NLRC5: variants seen among roughly 807,000 people sequenced by gnomAD.
The protein encoded by NLRC5 is NLR family CARD domain containing 5.
In NLRC5, 114 loss-of-function variants were observed where a neutral mutation model predicts 206.9. The observed-to-expected ratio is 0.55, with a 90% CI of 0.47 to 0.64. The LOEUF is 0.64. Among genes scored for constraint, NLRC5 ranks in the 30% least tolerant of loss-of-function variants. The probability of loss-of-function intolerance (pLI) is 0.00; values close to 1 mark genes in which losing one functional copy is unlikely to be tolerated. For synonymous variants in NLRC5, 952 were observed against 962.8 expected (o/e 0.99, Z 0.21); for missense variants, 2,008 against 2,305.5 (o/e 0.87, Z 2.64).
chr16:57,009,266 G>C (rs1017981206), intron 1 of NLRC5, among the ~76,000 whole-genome samples: 2 of 151,716 alleles, frequency 1.3e-5, no homozygotes, highest in Non-Finnish European at 1.5e-5. Flanking sequence ...TCTCCAGCCT[G>C]GGTGGCAGAG....
At position 57,065,304 on chromosome 16, in the gene NLRC5, T is replaced by C. The variant is rs767645264; in HGVS notation, c.4241+6T>C. 2 of 1,551,922 alleles carry C rather than the reference T, an allele frequency of 1.3e-6. No individual in the cohort carries two copies. The highest frequency in any genetic ancestry group is 1.9e-5 in the Admixed American group (1 of 53,844). On this transcript the variant is annotated splice_donor_region_variant and intron_variant, in intron 33 of 48. Transcript: ENST00000688547. ...GGCAGTGTCACTGAAATCAGGTGAGTCCAGAGAAGAGGCCCCTTTGGAATT... is the reference window on the plus strand; with the variant it reads ...GGCAGTGTCACTGAAATCAGGTGAGCCCAGAGAAGAGGCCCCTTTGGAATT...
chr16:56,991,023 C>G (rs1162608967), intron 1 of NLRC5: 3 of 152,154 alleles, frequency 2.0e-5, no homozygotes, highest in Admixed American at 6.5e-5. Flanking sequence ...CATGAACTAA[C>G]CATTCAATTT....
At chr16:57,023,572 A>G (rs1597208614) in intron 4 of NLRC5, among the ~76,000 whole-genome samples, 1 of 152,082 alleles carries the variant, frequency 6.6e-6, no homozygotes, top group South Asian at 2.1e-4. Context: ...CAGAACATCC[A>G]CCTTCCAATG....
At position 57,041,557 on chromosome 16, in the gene NLRC5, C is replaced by T. The variant is rs145670367; in HGVS notation, c.3012C>T (p.Leu1004=). 5 of 1,614,106 alleles carry T rather than the reference C, an allele frequency of 3.1e-6. No individual in the cohort carries two copies. Among genetic ancestry groups the T allele is most frequent in the East Asian group, 4.5e-5 (2 of 44,878 alleles). ...LCKALGGSCH[L]GHLHLDFSGN... ...AGGCTCTGGGAGGAAGCTGCCACCT[C>T]GGTCACCTCCACCTCGAGTGAGTGG... The change falls in exon 18 of 49, where the codon CTC becomes CTT. Residue 1004 remains leucine (L), a synonymous_variant. Coordinates refer to ENST00000688547, the MANE Select transcript of NLRC5 (RefSeq NM_001384950.1).
At chr16:57,077,919 A>G (rs773322609) in intron 42 of NLRC5, 24 bp from the exon 43 acceptor site, 8 of 1,612,706 alleles carry the variant, frequency 5.0e-6, no homozygotes, top group African/African-American at 4.0e-5. Context: ...CCAGTACTCA[A>G]TGCTCATTCC....
At position 57,026,965 on chromosome 16, in the gene NLRC5, G is replaced by A. The variant is rs200062203; in HGVS notation, c.2022G>A (p.Leu674=). ...PIHLDFDGCP[L]EPHCPEALVG... is the part of the protein sequence containing the mutation. ...ACCTGGATTTTGATGGCTGTCCCCT[G>A]GAGCCCCACTGCCCTGAGGCTCTGG... The change falls in exon 6 of 49, where the codon CTG becomes CTA. Residue 674 remains leucine, a synonymous_variant. Transcript: ENST00000688547. 1.9e-4 allele frequency: 305 copies of A among 1,614,160 alleles called. 3 individuals are homozygous for A. The East Asian group carries it at 6.7e-3, about 36-fold the overall frequency.
chr16:57,026,628 C>T lies in NLRC5; in HGVS notation c.1685C>T (p.Pro562Leu). The part of the protein sequence containing the change: ...KARLGLSDHL[P>L]TFLAGLASCT... ...AGACTGGGCCTCTCAGACCACCTCC[C>T]CACCTTCCTGGCGGGCCTGGCATCC... The change falls in exon 6 of 49, where the codon CCC (proline) becomes CTC (leucine). Residue 562 changes from proline (P) to leucine (L), a missense_variant. Transcript: ENST00000688547. 1.2e-6 allele frequency: 2 copies of T among 1,614,234 alleles called. No homozygotes were observed. The highest frequency in any genetic ancestry group is 1.7e-6 in the Non-Finnish European group (2 of 1,180,038).
chr16:57,064,681 TG>T (rs1185762997), intron 32 of NLRC5, among the ~76,000 whole-genome samples: 1 of 152,234 alleles, frequency 6.6e-6, no homozygotes, highest in Non-Finnish European at 1.5e-5. Context: ...CCCAGCACTT[TG>T]GGAGGCCGAG....
intron 19 of NLRC5, among the ~76,000 whole-genome samples, chr16:57,043,311 T>C (rs1286347710): frequency 6.6e-6 from 1 of 152,148 alleles, no homozygotes; most frequent in East Asian, 1.9e-4. Context: ...TCTCATAACC[T>C]TGGGCTAGAC....
At chr16:57,041,280 G>A in intron 17 of NLRC5, 2 of 547,992 alleles carry the variant, frequency 3.6e-6, no homozygotes, top group Non-Finnish European at 3.3e-6. Context: ...CTGTGTCTCT[G>A]CCCACCCTCT....
At chr16:57,030,469 AAGAT>A in intron 10 of NLRC5, among the ~76,000 whole-genome samples, 1 of 28,116 alleles carries the variant, frequency 3.6e-5, no homozygotes. Context: ...GATGGATGAA[AAGAT>A]GGATGGGTGG....
In NLRC5 at chr16:57,025,519, G is replaced by A. The variant is rs1465418347; in HGVS notation, c.576G>A (p.Glu192=). 1.7e-5 allele frequency: 28 copies of A among 1,613,580 alleles called. No individual in the cohort carries two copies. The highest frequency in any genetic ancestry group is 2.3e-5 in the Non-Finnish European group (27 of 1,179,758). Residue 192 remains glutamate, a synonymous_variant, in exon 6 of 49, where the codon GAG becomes GAA. Coordinates refer to ENST00000688547, the MANE Select transcript of NLRC5 (RefSeq NM_001384950.1). ...CCACAGCATCCTTAGACACTCCGGAGGGGGCCATTATGGGGGACGTCAAGG... is the reference window on the plus strand; with the variant it reads ...CCACAGCATCCTTAGACACTCCGGAAGGGGCCATTATGGGGGACGTCAAGG... ...RRATASLDTP[E]GAIMGDVKVE...
chr16:57,058,986 G>A lies in NLRC5; in HGVS notation c.3845G>A (p.Ser1282Asn). 1 of 1,614,144 alleles carries A rather than the reference G, an allele frequency of 6.2e-7. No homozygotes were observed. Among genetic ancestry groups the A allele is most frequent in the Non-Finnish European group, 8.5e-7 (1 of 1,179,980 alleles). ...ISGLLDLSHN[S>N]ISQESALYLL... ...TTCCCTTCTAGTCTGAGTCACAACAGCATTTCTCAGGAAAGTGCCCTGTAC... is the reference window on the plus strand; with the variant it reads ...TTCCCTTCTAGTCTGAGTCACAACAACATTTCTCAGGAAAGTGCCCTGTAC... The change falls in exon 29 of 49, where the codon AGC becomes AAC. Residue 1282 changes from serine to asparagine, a missense_variant. Ser to Asn is a conservative substitution (Grantham distance 46). Transcript: ENST00000688547.
chr16:57,081,242 C>A, intron 47 of NLRC5, 61 bp downstream of exon 47: 1 of 1,462,764 alleles, frequency 6.8e-7, no homozygotes, highest in South Asian at 1.2e-5. Flanking sequence ...CCGGGAACAC[C>A]AAGAGGCCAC....
In NLRC5 at chr16:57,053,367, C is replaced by T. The variant is rs115015054; in HGVS notation, c.3507-1384C>T. Among the ~76,000 whole-genome samples, 826 of 152,178 alleles carry T rather than the reference C, an allele frequency of 5.4e-3. 5 individuals are homozygous for T. Among genetic ancestry groups the T allele is most frequent in the African/African-American group, 0.019 (775 of 41,544 alleles). On this transcript the variant is annotated intron_variant, in intron 24 of 48. Coordinates refer to ENST00000688547, the MANE Select transcript of NLRC5 (RefSeq NM_001384950.1). ...AGCTTGGTGGGCTCCAGGAACAGCG[C>T]GGAACCGAGACAGCCAGAGCACAGT... is the stretch of plus-strand genomic sequence containing the variant.
chr16:57,079,991 C>G (rs1181212830), intron 46 of NLRC5, among the ~76,000 whole-genome samples: 1 of 152,150 alleles, frequency 6.6e-6, no homozygotes, highest in African/African-American at 2.4e-5. Context: ...TTATGAACCA[C>G]AGTTGGTAGA....
At chr16:57,000,480 G>A (rs1220663377) in intron 1 of NLRC5, among the ~76,000 whole-genome samples, 2 of 152,076 alleles carry the variant, frequency 1.3e-5, no homozygotes, top group African/African-American at 4.8e-5. Context: ...CAGGCCTGAG[G>A]CTGGGAGTGC....
In NLRC5 at chr16:57,055,492, G is replaced by A. The variant is rs765067452; in HGVS notation, c.3719G>A (p.Ser1240Asn). 1.2e-6 allele frequency: 2 copies of A among 1,613,798 alleles called. No individual in the cohort carries two copies. The highest frequency in any genetic ancestry group is 1.7e-5 in the Admixed American group (1 of 60,004). Residue 1240 changes from serine to asparagine, a missense_variant, in exon 27 of 49, where the codon AGC becomes AAC. Physicochemically the swap from Ser to Asn is conservative, Grantham distance 46. Coordinates refer to ENST00000688547, the MANE Select transcript of NLRC5 (RefSeq NM_001384950.1). The stretch of plus-strand genomic sequence containing the variant: ...GTAGAGTCACTCTGCTGGTTGCTGA[G>A]CAAGTGTAAAGACCTCAGCCAGGTG... ...EHVESLCWLL[S>N]KCKDLSQVDL...
rs1309147420 is a variant in NLRC5 at position 56,989,608 on chromosome 16, A to AGCTCTGAGGGTGAGTGCCGGGC, written c.-135_-128+14dup. On this transcript the variant is annotated 5_prime_UTR_variant, in exon 1 of 49. Coordinates refer to ENST00000688547, the MANE Select transcript of NLRC5 (RefSeq NM_001384950.1). ...GCGAGCGCTGAGGGTGAGTGCCGGG[A>AGCTCTGAGGGTGAGTGCCGGGC]GCTCTGAGGGTGAGTGCCGGGCGTG... 3.3e-5 allele frequency: 5 copies of AGCTCTGAGGGTGAGTGCCGGGC among 153,098 alleles called. No homozygotes were observed. Among genetic ancestry groups the AGCTCTGAGGGTGAGTGCCGGGC allele is most frequent in the Non-Finnish European group, 7.2e-5 (5 of 68,968 alleles). The allele number at this position is 153,098 out of a possible 1,614,324, so 9.5% of individuals were successfully genotyped here. A position where few individuals can be genotyped will look rare whatever the true frequency, so the allele number is the denominator to read the frequency against.
Sources: gnomAD v4.1 joint callset for allele counts (sites outside exome capture counted in the v4.1 genomes callset) on GRCh38, gnomAD v4.1.1 for gene constraint, MANE v1.5 for transcripts, NCBI Gene and HGNC (gene_info 2026-07-23, HGNC 2026-07-21) for gene names.